The following LRRC74A variants were observed in gnomAD, a reference collection of about 807,000 sequenced individuals.
LRRC74A encodes leucine-rich repeat-containing protein 74A.
LRRC74A carries 44 observed loss-of-function variants against 57.9 expected under a neutral mutation model. The observed-to-expected ratio is 0.76, with a 90% CI of 0.60 to 0.98. The LOEUF is 0.98. Among genes scored for constraint, LRRC74A ranks in the 50% least tolerant of loss-of-function variants. LRRC74A has a pLI of 0.00. For synonymous variants in LRRC74A, 211 were observed against 219.4 expected (o/e 0.96, Z 0.34); for missense variants, 572 against 574.0 (o/e 1.00, Z 0.04).
At chr14:76,847,052 G>A (rs2140284504) in intron 7 of LRRC74A, among the ~76,000 whole-genome samples, 1 of 152,260 alleles carries the variant, frequency 6.6e-6, no homozygotes, top group Non-Finnish European at 1.5e-5. Context: ...GTTTCACAGA[G>A]GAGGAAGAGG....
chr14:76,838,351 C>T (rs1896515523), intron 5 of LRRC74A, among the ~76,000 whole-genome samples: 1 of 152,046 alleles, frequency 6.6e-6, no homozygotes, highest in Admixed American at 6.6e-5. Context: ...AGAGACCTCC[C>T]CTCCTCTCCA....
In LRRC74A at chr14:76,869,576, C is replaced by T. The variant is rs572134975; in HGVS notation, c.1392-549C>T. ...GACCAGCCTGGCCAAGATGGTGAAA[C>T]CCCCACCTCTATTAAAAACACAAAA... On this transcript the variant is annotated intron_variant, in intron 13 of 13. Transcript: ENST00000689127. Among the ~76,000 whole-genome samples the T allele has an allele frequency of 1.2e-3, 190 of 152,094 alleles. 1 individual carries two copies. Among genetic ancestry groups the T allele is most frequent in the Admixed American group, 2.3e-3 (35 of 15,276 alleles).
At chr14:76,859,672 T>TC (rs1174748293) in intron 10 of LRRC74A, among the ~76,000 whole-genome samples, 1 of 146,008 alleles carries the variant, frequency 6.8e-6, no homozygotes, top group East Asian at 2.0e-4. Context: ...CTTTTTTTTT[T>TC]TTTTTTTTTT....
chr14:76,839,529 TAA>T (rs1348161924), intron 5 of LRRC74A, among the ~76,000 whole-genome samples: 1 of 152,246 alleles, frequency 6.6e-6, no homozygotes, highest in African/African-American at 2.4e-5. Context: ...AATTAAAATC[TAA>T]AACTCCTAGA....
At chr14:76,834,680 C>T in intron 3 of LRRC74A, among the ~76,000 whole-genome samples, 1 of 152,150 alleles carries the variant, frequency 6.6e-6, no homozygotes, top group East Asian at 1.9e-4. Context: ...TAGACAATGG[C>T]CCGTGTGAAA....
chr14:76,852,050 T>C (rs1206590731), intron 7 of LRRC74A, among the ~76,000 whole-genome samples: 2 of 152,032 alleles, frequency 1.3e-5, no homozygotes, highest in African/African-American at 2.4e-5. Flanking sequence ...TTAGGTAGAG[T>C]CTCAGAGGTG....
chr14:76,868,157 G>A (rs1899103174), intron 13 of LRRC74A, among the ~76,000 whole-genome samples: 1 of 152,224 alleles, frequency 6.6e-6, no homozygotes, highest in African/African-American at 2.4e-5. Flanking sequence ...GAGCTCTAGA[G>A]AAGTGCAGCA....
chr14:76,829,279 C>T, intron 2 of LRRC74A: 1 of 976,008 alleles, frequency 1.0e-6, no homozygotes, highest in Non-Finnish European at 1.4e-6. Flanking sequence ...AAGGCCAGTT[C>T]TGCCAAATTA....
chr14:76,844,672 T>C, intron 6 of LRRC74A, 148 bp from the exon 7 acceptor site: 1 of 697,064 alleles, frequency 1.4e-6, no homozygotes, highest in Non-Finnish European at 2.5e-6. Flanking sequence ...CCAGCAGCCA[T>C]CAACAGTCCA....
chr14:76,835,944 C>A lies in LRRC74A; in HGVS notation c.340-263C>A, dbSNP rs148259658. ...GGCTAAATAGTTAAAATCTGTTTAGCTCATCCTTGTGCCTCCAACTTGTCA... is the reference window on the plus strand; with the variant it reads ...GGCTAAATAGTTAAAATCTGTTTAGATCATCCTTGTGCCTCCAACTTGTCA... On this transcript the variant is annotated intron_variant, in intron 3 of 13. Coordinates refer to ENST00000689127, the MANE Select transcript of LRRC74A (RefSeq NM_001385106.1). Among the ~76,000 whole-genome samples the A allele has an allele frequency of 2.2e-3, 329 of 152,330 alleles. 2 individuals are homozygous for A. Among genetic ancestry groups the A allele is most frequent in the African/African-American group, 7.5e-3 (312 of 41,578 alleles).
intron 13 of LRRC74A, among the ~76,000 whole-genome samples, chr14:76,867,720 G>A (rs1899057325): frequency 6.6e-6 from 1 of 152,160 alleles, no homozygotes; most frequent in Non-Finnish European, 1.5e-5. Context: ...CCAGGAGGAG[G>A]GCAGGCAAGG....
intron 11 of LRRC74A, among the ~76,000 whole-genome samples, chr14:76,864,739 A>C (rs12889480): frequency 1.3e-5 from 2 of 151,890 alleles, no homozygotes; most frequent in African/African-American, 4.8e-5. Context: ...CTGTAATCCC[A>C]GCTACCCGGG....
At chr14:76,850,905 G>A (rs1467063512) in intron 7 of LRRC74A, among the ~76,000 whole-genome samples, 3 of 151,638 alleles carry the variant, frequency 2.0e-5, no homozygotes, top group African/African-American at 7.3e-5. Flanking sequence ...CATTATTCCT[G>A]GGCCAGAGGC....
At chr14:76,828,974 T>C in intron 2 of LRRC74A, 1 of 1,282,404 alleles carries the variant, frequency 7.8e-7, no homozygotes. Flanking sequence ...ACCTTAGAGC[T>C]CTGGTTTCCC....
At position 76,853,218 on chromosome 14, in the gene LRRC74A, T is replaced by G. The variant is rs1566735300; in HGVS notation, c.765T>G (p.Gly255=). The part of the protein sequence containing the change: ...GAVALCNGLR[G]NVTLTKLDLS... ...GCTGTTCTCCCCTCTTCCTGGAGGG[T>G]AATGTGACCCTGACAAAGCTGGATC... Residue 255 remains glycine (G), a splice_region_variant and synonymous_variant, in exon 9 of 14, where the codon GGT becomes GGG. Coordinates refer to ENST00000689127, the MANE Select transcript of LRRC74A (RefSeq NM_001385106.1). 1 of 1,609,138 alleles carries G rather than the reference T, an allele frequency of 6.2e-7. No homozygotes were observed. Among genetic ancestry groups the G allele is most frequent in the Non-Finnish European group, 8.5e-7 (1 of 1,175,742 alleles).
In LRRC74A at chr14:76,826,650, G is replaced by A. The variant is rs79863016; in HGVS notation, c.-48G>A. Reference sequence around the variant, plus strand: ...AGGTGTGCTTCTTAGGGAAGCAGTCGAGAGGTGGCAAGAAGTTGGCAGCTG... The same window carrying A: ...AGGTGTGCTTCTTAGGGAAGCAGTCAAGAGGTGGCAAGAAGTTGGCAGCTG... On this transcript the variant is annotated 5_prime_UTR_variant, in exon 1 of 14. Transcript: ENST00000689127. 8,181 of 1,602,976 alleles carry A rather than the reference G, an allele frequency of 5.1e-3. 358 individuals carry two copies. In the African/African-American group the frequency reaches 0.094, roughly 19 times the overall value.
chr14:76,853,043 G>T (rs1897619963), intron 8 of LRRC74A, among the ~76,000 whole-genome samples, 173 bp from the exon 9 acceptor site: 1 of 152,200 alleles, frequency 6.6e-6, no homozygotes, highest in South Asian at 2.1e-4. Context: ...AGTCTCATGA[G>T]TACTTGAGAC....
intron 5 of LRRC74A, among the ~76,000 whole-genome samples, chr14:76,838,998 T>C (rs2140271339): frequency 6.6e-6 from 1 of 152,390 alleles, no homozygotes; most frequent in East Asian, 1.9e-4. Context: ...TTTCTTTCTA[T>C]GGCAGAACAA....
chr14:76,839,598 T>A (rs1896610110), intron 5 of LRRC74A, among the ~76,000 whole-genome samples: 1 of 152,262 alleles, frequency 6.6e-6, no homozygotes, highest in Non-Finnish European at 1.5e-5. Context: ...TCTTTGTTAC[T>A]GTTACACATT....
Sources: allele counts gnomAD v4.1 joint callset (sites outside exome capture counted in the v4.1 genomes callset), GRCh38; gene constraint gnomAD v4.1.1; transcripts MANE v1.5; gene names NCBI Gene and HGNC (gene_info 2026-07-23, HGNC 2026-07-21).